CLDN14: variants seen among roughly 807,000 people sequenced by gnomAD.
The protein encoded by CLDN14 is claudin 14.
In CLDN14, 2 loss-of-function variants were observed where a neutral mutation model predicts 2.1. The ratio of observed to expected loss-of-function variants is 0.96; its 90% CI spans 0.39 to 3.01. The LOEUF is 3.01. Among genes scored for constraint, CLDN14 ranks in the 30% most tolerant of loss-of-function variants. CLDN14 has a pLI of 0.09. For missense variants in CLDN14, 298 were observed against 328.0 expected (o/e 0.91, Z 0.71); for synonymous variants, 136 against 154.4 (o/e 0.88, Z 0.88).
Position 36,544,577 on chromosome 21 carries a change from T to C in CLDN14, c.-220+31834A>G, listed in dbSNP as rs2087514551. Among the ~76,000 whole-genome samples the C allele has an allele frequency of 6.6e-6, 1 of 152,152 alleles. No homozygotes were observed. The highest frequency in any genetic ancestry group is 6.5e-5 in the Admixed American group (1 of 15,274). ...CTGTGCACTAACCACAGGCATCCCCTCCTCCAGAGCACACTCACTCTCAGA... is the reference window on the plus strand; with the variant it reads ...CTGTGCACTAACCACAGGCATCCCCCCCTCCAGAGCACACTCACTCTCAGA... On this transcript the variant is annotated intron_variant, in intron 1 of 2. Coordinates refer to the CLDN14 transcript ENST00000342108. The surrounding 1 kb of genome is among the most constrained non-coding windows in gnomAD (Gnocchi z 4.1).
At chr21:36,509,239 C>T (rs748490693) in intron 2 of CLDN14, among the ~76,000 whole-genome samples, 4 of 152,214 alleles carry the variant, frequency 2.6e-5, no homozygotes, top group Non-Finnish European at 5.9e-5. Flanking sequence ...TGTGAAGGCA[C>T]TTCCGGTGTC....
intron 1 of CLDN14, among the ~76,000 whole-genome samples, chr21:36,552,317 T>A (rs2087568651): frequency 6.6e-6 from 1 of 152,248 alleles, no homozygotes; most frequent in Admixed American, 6.5e-5. Context: ...ACGCATGCAC[T>A]TTTGCTGCCT....
intron 1 of CLDN14, among the ~76,000 whole-genome samples, chr21:36,539,658 AGTAT>A (rs1243077138): frequency 8.2e-6 from 1 of 122,528 alleles, no homozygotes; most frequent in African/African-American, 3.2e-5. Flanking sequence ...GTGTGTAGTG[AGTAT>A]GTGTGTAGTG....
intron 1 of CLDN14, among the ~76,000 whole-genome samples, chr21:36,547,936 A>T (rs1034457302): frequency 1.3e-5 from 2 of 152,238 alleles, no homozygotes; most frequent in Non-Finnish European, 2.9e-5. Flanking sequence ...CAGCGAACAC[A>T]TCTTTGGAAA....
rs2146513190 is a variant in CLDN14, at chr21:36,544,522, A to C, written c.-220+31889T>G. ...AGTTGGGATTTAGGAAGGAGAGGCA[A>C]ATTTGAGGCTGGGGAGAATTTGAAT... On this transcript the variant is annotated intron_variant, in intron 1 of 2. Transcript: ENST00000342108. The surrounding 1 kb of genome is among the most constrained non-coding windows in gnomAD (Gnocchi z 4.1). 6.6e-6 allele frequency among the ~76,000 whole-genome samples: 1 copy of C among 152,268 alleles called. No homozygotes were observed. Among genetic ancestry groups the C allele is most frequent in the African/African-American group, 2.4e-5 (1 of 41,558 alleles).
chr21:36,486,935 C>T, intron 2 of CLDN14: 1 of 566,038 alleles, frequency 1.8e-6, no homozygotes, highest in East Asian at 4.0e-5. Context: ...CAGTCATTAG[C>T]CAGTGTGATG....
rs1295201489 is a variant in CLDN14, at chr21:36,544,892, C to G, written c.-220+31519G>C. Among the ~76,000 whole-genome samples the G allele has an allele frequency of 6.6e-6, 1 of 152,242 alleles. No homozygotes were observed. Among genetic ancestry groups the G allele is most frequent in the Non-Finnish European group, 1.5e-5 (1 of 68,056 alleles). ...CTTAATAACAAAACCACAATGCTCT[C>G]TGTTATTAATCCTGGCTACTGCAGC... On this transcript the variant is annotated intron_variant, in intron 1 of 2. Transcript: ENST00000342108. This position sits in a 1 kb window ranked among gnomAD's most constrained non-coding sequence, Gnocchi z 4.1.
chr21:36,485,844 T>C, intron 2 of CLDN14: 1 of 496,068 alleles, frequency 2.0e-6, no homozygotes, highest in Non-Finnish European at 3.6e-6. Flanking sequence ...AAATGAGAGG[T>C]TCCATTTCCT....
At chr21:36,511,716 T>C (rs1309572814) in intron 1 of CLDN14, among the ~76,000 whole-genome samples, 1 of 152,096 alleles carries the variant, frequency 6.6e-6, no homozygotes, top group Non-Finnish European at 1.5e-5. Flanking sequence ...GATTCAGATG[T>C]ACAAGAAGCC....
chr21:36,538,539 G>A (rs1440274558), intron 1 of CLDN14, among the ~76,000 whole-genome samples: 5 of 152,106 alleles, frequency 3.3e-5, no homozygotes, highest in Non-Finnish European at 1.5e-5. Flanking sequence ...GCTTGAACCC[G>A]GAAGATGGAG....
intron 1 of CLDN14, among the ~76,000 whole-genome samples, chr21:36,540,403 C>A (rs1248253134): frequency 6.6e-6 from 1 of 152,094 alleles, no homozygotes; most frequent in African/African-American, 2.4e-5. Flanking sequence ...ATTTTTGATT[C>A]ATGAATGTGG....
At chr21:36,505,984 A>T (rs59851452) in intron 2 of CLDN14, among the ~76,000 whole-genome samples, 6,726 of 152,284 alleles carry the variant, frequency 0.044, 490 homozygotes, top group African/African-American at 0.15. Context: ...AAATGTAAAC[A>T]GTGAATACTC....
At chr21:36,505,868 A>T (rs540804666) in intron 2 of CLDN14, among the ~76,000 whole-genome samples, 78 of 152,220 alleles carry the variant, frequency 5.1e-4, no homozygotes, top group Non-Finnish European at 1.0e-3. Context: ...GTGGACTTCC[A>T]TTTATGGGTA....
chr21:36,472,908 C>T (rs1245734309), intron 1 of CLDN14, among the ~76,000 whole-genome samples: 2 of 152,164 alleles, frequency 1.3e-5, no homozygotes, highest in African/African-American at 2.4e-5. Flanking sequence ...ACTATCACAT[C>T]GGGGCTTAGG....
At chr21:36,500,034 T>C (rs572535089) in intron 2 of CLDN14, among the ~76,000 whole-genome samples, 2 of 152,214 alleles carry the variant, frequency 1.3e-5, no homozygotes, top group Admixed American at 1.3e-4. Flanking sequence ...TAATGTTTGC[T>C]TTGCTTTTGG....
chr21:36,479,114 A>G (rs1156456573), intron 1 of CLDN14, among the ~76,000 whole-genome samples: 3 of 152,160 alleles, frequency 2.0e-5, no homozygotes, highest in Admixed American at 6.5e-5. Context: ...GTCCCAGCAG[A>G]CAGAAGGGGG....
intron 1 of CLDN14, among the ~76,000 whole-genome samples, chr21:36,526,109 G>A (rs2087326890): frequency 1.3e-5 from 2 of 152,164 alleles, no homozygotes; most frequent in African/African-American, 4.8e-5. Flanking sequence ...AATCCACAAG[G>A]AGTCTAGCTG....
At chr21:36,541,771 AG>A (rs1469590843) in intron 1 of CLDN14, among the ~76,000 whole-genome samples, 1 of 152,192 alleles carries the variant, frequency 6.6e-6, no homozygotes, top group Non-Finnish European at 1.5e-5. Flanking sequence ...GTCTGTAGCA[AG>A]GGAATACTTT....
chr21:36,548,720 C>T (rs965029596), intron 1 of CLDN14, among the ~76,000 whole-genome samples: 2 of 152,090 alleles, frequency 1.3e-5, no homozygotes, highest in African/African-American at 2.4e-5. Context: ...CCAAAGGCAT[C>T]GATGACCCCC....
Sources: allele counts gnomAD v4.1 joint callset (sites outside exome capture counted in the v4.1 genomes callset), GRCh38; gene constraint gnomAD v4.1.1; non-coding constraint Gnocchi (gnomAD v3.1); transcripts MANE v1.5; gene names NCBI Gene and HGNC (gene_info 2026-07-23, HGNC 2026-07-21).